Variants in TBC1D30 observed in about 807,000 individuals in gnomAD.
TBC1D30 encodes the protein TBC1 domain family, member 30.
Under a neutral mutation model 63.2 loss-of-function variants are expected in TBC1D30, and 31 were observed. The ratio of observed to expected loss-of-function variants is 0.49; its 90% CI spans 0.37 to 0.66. The LOEUF (loss-of-function observed/expected upper bound fraction) is 0.66. Ranked by LOEUF, TBC1D30 falls within the 30% of genes least tolerant of loss-of-function variation. TBC1D30 has a pLI of 0.00. For missense variants in TBC1D30, 810 were observed against 953.6 expected (o/e 0.85, Z 1.98); for synonymous variants, 307 against 361.5 (o/e 0.85, Z 1.71).
intron 9 of TBC1D30, 136 bp from the exon 10 acceptor site, chr12:64,866,628 T>C (rs779528316): frequency 1.2e-6 from 1 of 839,718 alleles, no homozygotes; most frequent in Non-Finnish European, 1.7e-6. Context: ...TTAGCAGAGA[T>C]GGGGTTTCAC....
At chr12:64,786,922 G>A (rs1168596956) in intron 2 of TBC1D30, among the ~76,000 whole-genome samples, 2 of 150,854 alleles carry the variant, frequency 1.3e-5, no homozygotes, top group Middle Eastern at 6.4e-3. Flanking sequence ...CAGCCTGGGC[G>A]ACAAGAGCGA....
At chr12:64,845,062 A>T (rs1158790819) in intron 8 of TBC1D30, among the ~76,000 whole-genome samples, 1 of 152,230 alleles carries the variant, frequency 6.6e-6, no homozygotes, top group African/African-American at 2.4e-5. Flanking sequence ...TATTGTGAAC[A>T]GTGCTGCGAG....
intron 2 of TBC1D30, among the ~76,000 whole-genome samples, chr12:64,815,766 T>G (rs1873488015): frequency 6.6e-6 from 1 of 152,156 alleles, no homozygotes; most frequent in African/African-American, 2.4e-5. Context: ...AGAATAACGA[T>G]GTAAAGATAA....
rs75836320 is a variant in TBC1D30 at position 64,762,348 on chromosome 12, T to G, written c.-376+2699T>G. Among the ~76,000 whole-genome samples, 110 of 152,308 alleles carry G rather than the reference T, an allele frequency of 7.2e-4. 2 individuals are homozygous for G. The East Asian group carries it at 0.017, about 24-fold the overall frequency. On this transcript the variant is annotated intron_variant, in intron 1 of 13. Coordinates refer to the TBC1D30 transcript ENST00000674237. The stretch of plus-strand genomic sequence containing the variant: ...TTACTGAAAGAATGTAAGATAAATA[T>G]AATCATACATGAACTTTTAGAAGAT...
chr12:64,767,496 C>T (rs572284606), intron 1 of TBC1D30, among the ~76,000 whole-genome samples: 2 of 152,218 alleles, frequency 1.3e-5, no homozygotes, highest in East Asian at 3.9e-4. Flanking sequence ...TTGGTGAATG[C>T]ATTCTCTTCT....
intron 2 of TBC1D30, among the ~76,000 whole-genome samples, chr12:64,787,613 C>T (rs76597940): frequency 0.012 from 1,868 of 152,172 alleles, 44 homozygotes; most frequent in African/African-American, 0.042. Context: ...GCTTAAATTT[C>T]ATTCTTATGT....
chr12:64,818,154 A>G (rs989612383), intron 2 of TBC1D30, among the ~76,000 whole-genome samples: 1 of 152,056 alleles, frequency 6.6e-6, no homozygotes, highest in Non-Finnish European at 1.5e-5. Context: ...CAGTTATTTC[A>G]TCTTCTGCAG....
At chr12:64,759,552 C>A in exon 1 of TBC1D30, 1 of 362,018 alleles carries the variant, frequency 2.8e-6, no homozygotes, top group Non-Finnish European at 4.7e-6. Flanking sequence ...GGCGGAGAAC[C>A]GGAGAAAAGG....
chr12:64,785,872 T>C, intron 1 of TBC1D30: 1 of 1,285,392 alleles, frequency 7.8e-7, no homozygotes, highest in African/African-American at 1.5e-5. Flanking sequence ...TATTTTTCTT[T>C]ACTGATAGAC....
chr12:64,772,237 CAAAAA>C (rs747871090), intron 1 of TBC1D30, among the ~76,000 whole-genome samples: 1 of 49,314 alleles, frequency 2.0e-5, no homozygotes. Flanking sequence ...AACTCTGTCT[CAAAAA>C]AAAAAAAAAA....
chr12:64,867,481 C>T (rs1457231325), intron 10 of TBC1D30, among the ~76,000 whole-genome samples: 1 of 151,658 alleles, frequency 6.6e-6, no homozygotes, highest in African/African-American at 2.4e-5. Flanking sequence ...AAAATTGTTA[C>T]TAAAAGTATC....
At chr12:64,790,359 C>G (rs578081004) in intron 2 of TBC1D30, among the ~76,000 whole-genome samples, 1 of 152,100 alleles carries the variant, frequency 6.6e-6, no homozygotes, top group Admixed American at 6.6e-5. Context: ...AAGGTTGATT[C>G]TGATGTTAGG....
At chr12:64,800,282 T>C (rs1872528606) in intron 2 of TBC1D30, among the ~76,000 whole-genome samples, 1 of 152,100 alleles carries the variant, frequency 6.6e-6, no homozygotes, top group Non-Finnish European at 1.5e-5. Context: ...TGGAGGGAAG[T>C]GGCAGAAGTT....
At chr12:64,759,977 A>T (rs1441487773) in intron 1 of TBC1D30, among the ~76,000 whole-genome samples, 3 of 152,160 alleles carry the variant, frequency 2.0e-5, no homozygotes, top group Admixed American at 2.0e-4. Flanking sequence ...TAAATTCGGA[A>T]CTGGTTAGCT....
In TBC1D30 at chr12:64,870,784, G is replaced by A. The variant is rs368980307; in HGVS notation, c.1474G>A (p.Val492Ile). 2 of 1,535,858 alleles carry A rather than the reference G, an allele frequency of 1.3e-6. No individual in the cohort carries two copies. The highest frequency in any genetic ancestry group is 1.7e-6 in the Non-Finnish European group (2 of 1,146,858). Residue 492 changes from valine to isoleucine, a missense_variant, in exon 11 of 12, where the codon GTT (valine) becomes ATT (isoleucine). Physicochemically the swap from Val to Ile is conservative, Grantham distance 29 (BLOSUM62 3). This residue lies in a region of TBC1D30 where 450 missense variants were observed against 473.0 expected (regional missense o/e 0.95). Transcript: ENST00000539867. ...SRIKKKQQQQ[V>I]HQVYIRADKG... is the part of the protein sequence containing the mutation. ...AATTAAAAAGAAGCAACAGCAGCAGGTTCATCAGGTGTACATCAGGGCAGG... is the reference window on the plus strand; with the variant it reads ...AATTAAAAAGAAGCAACAGCAGCAGATTCATCAGGTGTACATCAGGGCAGG...
In TBC1D30 at chr12:64,828,483, G is replaced by C; in HGVS notation, c.256G>C (p.Gly86Arg). 6.5e-7 allele frequency: 1 copy of C among 1,535,802 alleles called. No individual in the cohort carries two copies. Among genetic ancestry groups the C allele is most frequent in the Non-Finnish European group, 8.7e-7 (1 of 1,146,704 alleles). The change falls in exon 3 of 12, where the codon GGA becomes CGA. Residue 86 changes from glycine to arginine, a missense_variant. Physicochemically the swap from Gly to Arg is moderately radical, Grantham distance 125. This residue lies in a region of TBC1D30 where 272 missense variants were observed against 335.9 expected (regional missense o/e 0.81). Coordinates refer to ENST00000539867, the MANE Select transcript of TBC1D30 (RefSeq NM_015279.2). ...ALKAVARLST[G>R]IPKEWRRKVW... ...CAAGGCAGTTGCCAGGCTATCCACA[G>C]GAATACCAAAGGAATGGAGGAGAAA...
At position 64,851,306 on chromosome 12, in the gene TBC1D30, A is replaced by G. The variant is rs776923933; in HGVS notation, c.1038+7821A>G. Among the ~76,000 whole-genome samples, 6 of 151,944 alleles carry G rather than the reference A, an allele frequency of 3.9e-5. No individual in the cohort carries two copies. The South Asian group carries it at 8.3e-4, about 21-fold the overall frequency. On this transcript the variant is annotated intron_variant, in intron 8 of 11. Transcript: ENST00000539867. ...ACTCTGATCCTCATTTTATGAGTTCAGCATCATCCTCATACCAAAACCTGG... is the reference window on the plus strand; with the variant it reads ...ACTCTGATCCTCATTTTATGAGTTCGGCATCATCCTCATACCAAAACCTGG...
chr12:64,851,605 T>C (rs1019534879), intron 8 of TBC1D30, among the ~76,000 whole-genome samples: 25 of 152,180 alleles, frequency 1.6e-4, no homozygotes, highest in African/African-American at 6.0e-4. Flanking sequence ...GGTGATGCAG[T>C]TTCTTCATAG....
intron 2 of TBC1D30, among the ~76,000 whole-genome samples, chr12:64,819,170 G>T (rs1162162503): frequency 6.6e-6 from 1 of 152,106 alleles, no homozygotes; most frequent in Non-Finnish European, 1.5e-5. Context: ...ACACCTGATT[G>T]TCTTAAAGGA....
Sources: gnomAD v4.1 joint callset for allele counts (sites outside exome capture counted in the v4.1 genomes callset) on GRCh38, gnomAD v4.1.1 for gene constraint, gnomAD v4.1.1 regional missense constraint, MANE v1.5 for transcripts, NCBI Gene and HGNC (gene_info 2026-07-23, HGNC 2026-07-21) for gene names.